The following RETREG1 variants were observed in gnomAD, a reference collection of about 807,000 sequenced individuals.
The protein encoded by RETREG1 is family with sequence similarity 134 member B.
RETREG1 carries 44 observed loss-of-function variants against 54.8 expected under a neutral mutation model. The ratio of observed to expected loss-of-function variants is 0.80; its 90% CI spans 0.63 to 1.03. The LOEUF (loss-of-function observed/expected upper bound fraction) is 1.03, where lower values mean the gene tolerates loss of function less well. Among genes scored for constraint, RETREG1 ranks in the 50% least tolerant of loss-of-function variants. The pLI is 0.00. For synonymous variants in RETREG1, 217 were observed against 238.5 expected (o/e 0.91, Z 0.83); for missense variants, 554 against 605.1 (o/e 0.92, Z 0.89).
chr5:16,611,492 C>A (rs1014884938), intron 1 of RETREG1, among the ~76,000 whole-genome samples: 18 of 152,268 alleles, frequency 1.2e-4, no homozygotes, highest in Admixed American at 7.2e-4. Context: ...TTCAATACAG[C>A]GATCAGCAAG....
chr5:16,538,389 C>A (rs1004307189), intron 3 of RETREG1, among the ~76,000 whole-genome samples: 2 of 152,150 alleles, frequency 1.3e-5, no homozygotes, highest in East Asian at 1.9e-4. Context: ...ACTTCTCAAA[C>A]AAAATGAAGA....
intron 8 of RETREG1, among the ~76,000 whole-genome samples, chr5:16,476,708 C>A (rs1738551592): frequency 6.8e-6 from 1 of 147,758 alleles, no homozygotes. Context: ...ATAATGAGAA[C>A]ACATAGACAC....
intron 3 of RETREG1, among the ~76,000 whole-genome samples, chr5:16,551,436 C>A (rs1484399647): frequency 6.6e-6 from 1 of 152,192 alleles, no homozygotes. Flanking sequence ...CCAAGCATGG[C>A]ATCTTCATGA....
Position 16,491,258 on chromosome 5 carries a change from A to G in RETREG1, c.459-7786T>C, listed in dbSNP as rs377501806. Among the ~76,000 whole-genome samples, 15 of 152,274 alleles carry G rather than the reference A, an allele frequency of 9.9e-5. No homozygotes were observed. In the South Asian group the frequency reaches 2.9e-3, roughly 29 times the overall value. On this transcript the variant is annotated intron_variant, in intron 3 of 8. Transcript: ENST00000306320. ...CTGAAAAGGGCTTGAAACACAGCAGATCTCCTGGTTACCGACCACGACCGT... is the reference window on the plus strand; with the variant it reads ...CTGAAAAGGGCTTGAAACACAGCAGGTCTCCTGGTTACCGACCACGACCGT...
intron 3 of RETREG1, among the ~76,000 whole-genome samples, chr5:16,530,404 A>C (rs1481797642): frequency 6.6e-6 from 1 of 152,152 alleles, no homozygotes; most frequent in African/African-American, 2.4e-5. Context: ...TTGTTTCCTG[A>C]TCAGTAAAAG....
Position 16,593,420 on chromosome 5 carries a change from TA to T in RETREG1, c.321-21319del, listed in dbSNP as rs972757460. 3.9e-5 allele frequency among the ~76,000 whole-genome samples: 6 copies of T among 152,202 alleles called. No homozygotes were observed. The highest frequency in any genetic ancestry group is 7.3e-5 in the Non-Finnish European group (5 of 68,036). On this transcript the variant is annotated intron_variant, in intron 1 of 8. Coordinates refer to ENST00000306320, the MANE Select transcript of RETREG1 (RefSeq NM_001034850.3). This position sits in a 1 kb window ranked among gnomAD's most constrained non-coding sequence, Gnocchi z 4.9. Reference sequence around the variant, plus strand: ...CTGCATGCCAATCACAGGCACTCAATAAATACTTTTTTGTTTGCTGTTGCTC... The same window carrying T: ...CTGCATGCCAATCACAGGCACTCAATAATACTTTTTTGTTTGCTGTTGCTC...
chr5:16,565,121 T>C (rs1426632363), intron 3 of RETREG1, among the ~76,000 whole-genome samples: 1 of 152,160 alleles, frequency 6.6e-6, no homozygotes, highest in Non-Finnish European at 1.5e-5. Flanking sequence ...ATACACCCAG[T>C]TGGTAGAGTG....
At chr5:16,577,037 G>GCACACACACA (rs68174462) in intron 1 of RETREG1, among the ~76,000 whole-genome samples, 5 of 150,640 alleles carry the variant, frequency 3.3e-5, no homozygotes, top group Non-Finnish European at 7.4e-5. Context: ...TTGTGTGCAC[G>GCACACACACA]CACACACACA....
intron 1 of RETREG1, among the ~76,000 whole-genome samples, chr5:16,586,353 C>T (rs973389885): frequency 2.6e-5 from 4 of 152,198 alleles, no homozygotes; most frequent in Non-Finnish European, 5.9e-5. Flanking sequence ...TCTAGCATGG[C>T]CAGTGAGAAA....
At chr5:16,608,878 T>G (rs181494306) in intron 1 of RETREG1, among the ~76,000 whole-genome samples, 12 of 152,288 alleles carry the variant, frequency 7.9e-5, no homozygotes, top group Admixed American at 4.6e-4. Context: ...TTAAGTATGA[T>G]TCTGTAATAT....
chr5:16,569,041 G>C (rs1482205439), intron 2 of RETREG1, among the ~76,000 whole-genome samples: 1 of 152,156 alleles, frequency 6.6e-6, no homozygotes, highest in East Asian at 1.9e-4. Flanking sequence ...ACGCCATGGA[G>C]TTACCGTAAC....
chr5:16,572,113 G>T lies in RETREG1; in HGVS notation c.321-11C>A. 2 of 1,576,024 alleles carry T rather than the reference G, an allele frequency of 1.3e-6. No individual in the cohort carries two copies. The highest frequency in any genetic ancestry group is 1.7e-6 in the Non-Finnish European group (2 of 1,145,536). On this transcript the variant is annotated splice_polypyrimidine_tract_variant and intron_variant, in intron 1 of 8. Coordinates refer to ENST00000306320, the MANE Select transcript of RETREG1 (RefSeq NM_001034850.3). The stretch of plus-strand genomic sequence containing the variant: ...GTCAATGCAAGGAACCTGCAACAGC[G>T]AAACACAAATCAGTATTTCAATTTG...
intron 3 of RETREG1, among the ~76,000 whole-genome samples, chr5:16,495,144 G>A (rs994591136): frequency 6.6e-6 from 1 of 152,196 alleles, no homozygotes; most frequent in Non-Finnish European, 1.5e-5. Flanking sequence ...AGGTGTTCAA[G>A]ATGTAGCCTG....
Position 16,565,308 on chromosome 5 carries a change from C to T in RETREG1, c.458+455G>A, listed in dbSNP as rs1003323356. On this transcript the variant is annotated intron_variant, in intron 3 of 8. Coordinates refer to ENST00000306320, the MANE Select transcript of RETREG1 (RefSeq NM_001034850.3). ...TCTCCTGCACCCTCACACCTCACAG[C>T]CTCTCACCCTATCTCTGTGTCTCCC... Among the ~76,000 whole-genome samples the T allele has an allele frequency of 5.9e-5, 9 of 152,184 alleles. No individual in the cohort carries two copies. In the South Asian group the frequency reaches 1.7e-3, roughly 28 times the overall value.
intron 1 of RETREG1, among the ~76,000 whole-genome samples, chr5:16,612,911 A>T (rs1743388660): frequency 6.6e-6 from 1 of 152,134 alleles, no homozygotes; most frequent in Non-Finnish European, 1.5e-5. Context: ...GCACCATTTA[A>T]AACTTAATTG....
chr5:16,571,923 T>C lies in RETREG1; in HGVS notation c.427+73A>G, dbSNP rs1742179566. 29 of 1,100,160 alleles carry C rather than the reference T, an allele frequency of 2.6e-5. 1 individual carries two copies. In the South Asian group the frequency reaches 3.1e-4, roughly 12 times the overall value. The allele number at this position is 1,100,160 out of a possible 1,614,324, so 68.1% of individuals were successfully genotyped here. ...TGTTCAAAGGACTAATTGGCTAATA[T>C]GCCTACACAAAGATCAGAAATGCAG... On this transcript the variant is annotated intron_variant, in intron 2 of 8. Transcript: ENST00000306320.
chr5:16,515,065 G>T lies in RETREG1; in HGVS notation c.459-31593C>A, dbSNP rs183876629. ...TTGTGACTTATGCTGCTATAAACAT[G>T]CATATGCAATTGTCTTTTTCATATA... is the stretch of plus-strand genomic sequence containing the variant. On this transcript the variant is annotated intron_variant, in intron 3 of 8. Coordinates refer to ENST00000306320, the MANE Select transcript of RETREG1 (RefSeq NM_001034850.3). 6.6e-5 allele frequency among the ~76,000 whole-genome samples: 10 copies of T among 151,704 alleles called. No individual in the cohort carries two copies. The South Asian group carries it at 2.1e-3, about 32-fold the overall frequency.
intron 3 of RETREG1, among the ~76,000 whole-genome samples, chr5:16,518,737 A>G (rs1489978786): frequency 6.6e-6 from 1 of 152,192 alleles, no homozygotes; most frequent in Admixed American, 6.5e-5. Context: ...CAGAGCACAG[A>G]GTCCCTGCCT....
chr5:16,518,468 T>C (rs1740430939), intron 3 of RETREG1, among the ~76,000 whole-genome samples: 1 of 151,806 alleles, frequency 6.6e-6, no homozygotes, highest in Non-Finnish European at 1.5e-5. Context: ...CTTAGGGAAA[T>C]AATGAGTATT....
Sources: gnomAD v4.1 joint callset for allele counts (sites outside exome capture counted in the v4.1 genomes callset) on GRCh38, gnomAD v4.1.1 for gene constraint, Gnocchi (gnomAD v3.1) non-coding constraint, MANE v1.5 for transcripts, NCBI Gene and HGNC (gene_info 2026-07-23, HGNC 2026-07-21) for gene names.